CLPSL1: variants seen among roughly 807,000 people sequenced by gnomAD.
CLPSL1 encodes the protein colipase-like protein 1.
A neutral mutation model predicts 9.3 loss-of-function variants in CLPSL1; 13 were observed. That is an observed-to-expected ratio of 1.40 (90% CI 0.91 to 2.22). CLPSL1 has a LOEUF of 2.22. Among genes scored for constraint, CLPSL1 ranks in the 30% most tolerant of loss-of-function variants. CLPSL1 has a pLI of 0.00. For synonymous variants in CLPSL1, 58 were observed against 56.9 expected (o/e 1.02, Z -0.08); for missense variants, 164 against 146.6 (o/e 1.12, Z -0.61).
At chr6:35,781,521 T>C (rs1767967184) in intron 1 of CLPSL1, among the ~76,000 whole-genome samples, 1 of 152,130 alleles carries the variant, frequency 6.6e-6, no homozygotes, top group Non-Finnish European at 1.5e-5. Context: ...TATATGTAAA[T>C]TATTTTTCTA....
chr6:35,790,155 C>T (rs1227673099), downstream of CLPSL1, among the ~76,000 whole-genome samples: 1 of 152,202 alleles, frequency 6.6e-6, no homozygotes, highest in African/African-American at 2.4e-5. Flanking sequence ...AGGCTGGTCT[C>T]AAACTCCTGG....
intron 1 of CLPSL1, among the ~76,000 whole-genome samples, chr6:35,785,322 C>T (rs1290566496): frequency 1.3e-5 from 2 of 151,840 alleles, no homozygotes; most frequent in African/African-American, 4.8e-5. Flanking sequence ...GGACTACAGG[C>T]ACCCGCCACC....
chr6:35,787,411 T>C (rs1768104922), intron 2 of CLPSL1, among the ~76,000 whole-genome samples: 4 of 152,362 alleles, frequency 2.6e-5, no homozygotes, highest in African/African-American at 9.6e-5. Context: ...CCGAAAGTAG[T>C]ACAGTAAATG....
At chr6:35,791,439 T>C (rs1306271950), downstream of CLPSL1, among the ~76,000 whole-genome samples, 1 of 152,058 alleles carries the variant, frequency 6.6e-6, no homozygotes, top group Admixed American at 6.5e-5. Flanking sequence ...TGAAACCCCG[T>C]CTCTACTAAA....
At chr6:35,793,665 T>C (rs2151064339) in exon 2 of CLPSL1, 1 of 450,636 alleles carries the variant, frequency 2.2e-6, no homozygotes. Flanking sequence ...TCCTATTTGC[T>C]TCAGCCATAA....
At chr6:35,787,266 C>A (rs1768101560) in intron 2 of CLPSL1, 146 bp downstream of exon 2, 2 of 1,029,308 alleles carry the variant, frequency 1.9e-6, no homozygotes, top group Admixed American at 2.3e-5. Flanking sequence ...CACCTCCAAG[C>A]CTTCTGGGGG....
At chr6:35,793,442 A>AAAG (rs1554145402) in intron 1 of CLPSL1, 5 of 450,852 alleles carry the variant, frequency 1.1e-5, no homozygotes, top group African/African-American at 2.1e-5. Flanking sequence ...AAAAAAAAAA[A>AAAG]GGGTATGCAA....
intron 1 of CLPSL1, among the ~76,000 whole-genome samples, chr6:35,783,512 A>G (rs943115113): frequency 6.6e-6 from 1 of 151,804 alleles, no homozygotes; most frequent in African/African-American, 2.4e-5. Context: ...TTTGTCTCAA[A>G]AAAAAAAAGG....
rs12211728 is a variant in CLPSL1, at chr6:35,787,881, A to C, written c.237A>C (p.Gln79His). The change falls in exon 3 of 3, where the codon CAA becomes CAC. Residue 79 changes from glutamine (Q) to histidine (H), a missense_variant. Transcript: ENST00000373861. ...SLCQTQVFFG[Q>H]YRACPCLRNL... ...GTCTTTCCCAGGTGTTCTTTGGCCAATATAGAGCGTGTCCCTGCCTGCGGA... is the reference window on the plus strand; with the variant it reads ...GTCTTTCCCAGGTGTTCTTTGGCCACTATAGAGCGTGTCCCTGCCTGCGGA... 1.3e-6 allele frequency: 2 copies of C among 1,598,832 alleles called. No homozygotes were observed. Among genetic ancestry groups the C allele is most frequent in the South Asian group, 2.2e-5 (2 of 90,738 alleles).
chr6:35,792,970 A>G (rs1364918159), downstream of CLPSL1, among the ~76,000 whole-genome samples: 1 of 152,256 alleles, frequency 6.6e-6, no homozygotes, highest in Non-Finnish European at 1.5e-5. Context: ...TGCCAACTGA[A>G]ACCCAATATT....
At chr6:35,793,077 C>G (rs371278491), downstream of CLPSL1, among the ~76,000 whole-genome samples, 9 of 152,370 alleles carry the variant, frequency 5.9e-5, no homozygotes, top group East Asian at 1.2e-3. Flanking sequence ...TAACCTAGTT[C>G]TAGCCACTGA....
At chr6:35,785,420 G>T (rs192699561) in intron 1 of CLPSL1, among the ~76,000 whole-genome samples, 5,707 of 151,978 alleles carry the variant, frequency 0.038, 302 homozygotes, top group African/African-American at 0.12. Context: ...CTCGTGATCT[G>T]CCCGCCTCGG....
downstream of CLPSL1, among the ~76,000 whole-genome samples, chr6:35,791,530 C>T (rs941851178): frequency 7.2e-5 from 11 of 152,028 alleles, no homozygotes; most frequent in Non-Finnish European, 1.6e-4. Flanking sequence ...ATCACTTGAA[C>T]CCGGGAGGCG....
chr6:35,781,499 T>C (rs749629491), intron 1 of CLPSL1, among the ~76,000 whole-genome samples: 19 of 152,174 alleles, frequency 1.2e-4, no homozygotes, highest in African/African-American at 3.9e-4. Flanking sequence ...CACATTTTTA[T>C]TGAGCACCTA....
chr6:35,787,979 G>T lies in CLPSL1; in HGVS notation c.335G>T (p.Arg112Met), dbSNP rs376822960. The change falls in exon 3 of 3, where the codon AGG becomes ATG. Residue 112 changes from arginine (R) to methionine (M), a missense_variant. Physicochemically the swap from Arg to Met is moderately conservative, Grantham distance 91. Transcript: ENST00000373861. ...IAYGRCQKIG[R>M]QKLAKKMFF ...TATGGCCGTTGTCAGAAAATTGGAA[G>T]GCAGAAGTTGGCTAAGAAAATGTTC... The T allele has an allele frequency of 5.6e-6, 9 of 1,613,514 alleles. No individual in the cohort carries two copies. The African/African-American group carries it at 1.2e-4, about 22-fold the overall frequency.
chr6:35,790,319 G>A (rs1170386409), downstream of CLPSL1, among the ~76,000 whole-genome samples: 2 of 152,200 alleles, frequency 1.3e-5, no homozygotes, highest in African/African-American at 2.4e-5. Context: ...TTTAATAAAC[G>A]TTTTTAGCCT....
exon 2 of CLPSL1, chr6:35,793,668 A>G: frequency 2.2e-6 from 1 of 447,986 alleles, no homozygotes. Flanking sequence ...TATTTGCTTC[A>G]GCCATAATTA....
rs1331390265 is a variant in CLPSL1 at position 35,788,109 on chromosome 6, G to C, written c.*99G>C. ...TTCCCCAGAGCCTCCACCATGAGTGGAGGGAAGTGGGGAGTGATTGAAATA... is the reference window on the plus strand; with the variant it reads ...TTCCCCAGAGCCTCCACCATGAGTGCAGGGAAGTGGGGAGTGATTGAAATA... On this transcript the variant is annotated 3_prime_UTR_variant, in exon 3 of 3. Transcript: ENST00000373861. The C allele has an allele frequency of 1.0e-6, 1 of 958,504 alleles. No individual in the cohort carries two copies. Among genetic ancestry groups the C allele is most frequent in the South Asian group, 1.3e-5 (1 of 77,578 alleles). The allele number at this position is 958,504 out of a possible 1,614,324, so 59.4% of individuals were successfully genotyped here. A position where few individuals can be genotyped will look rare whatever the true frequency, so the allele number is the denominator to read the frequency against.
downstream of CLPSL1, among the ~76,000 whole-genome samples, chr6:35,792,084 T>A (rs999211177): frequency 3.4e-5 from 5 of 145,706 alleles, no homozygotes; most frequent in Non-Finnish European, 7.7e-5. Flanking sequence ...AGACTCCATC[T>A]TCCCCCCGCC....
Sources: allele counts gnomAD v4.1 joint callset (sites outside exome capture counted in the v4.1 genomes callset), GRCh38; gene constraint gnomAD v4.1.1; transcripts MANE v1.5; gene names NCBI Gene and HGNC (gene_info 2026-07-23, HGNC 2026-07-21).